Variants in MDGA2 observed in about 807,000 individuals in gnomAD.
MDGA2 encodes MAM domain containing glycosylphosphatidylinositol anchor 2, also known as MAM domain-containing glycosylphosphatidylinositol anchor protein 2.
MDGA2 carries 40 observed loss-of-function variants against 117.8 expected under a neutral mutation model. The observed-to-expected ratio is 0.34, with a 90% confidence interval of 0.26 to 0.44. MDGA2 has a LOEUF of 0.44. Ranked by LOEUF, MDGA2 falls within the 20% of genes least tolerant of loss-of-function variation. The pLI, the probability that MDGA2 is intolerant of heterozygous loss-of-function variation, is 1.00. For missense variants in MDGA2, 1,123 were observed against 1,250.6 expected (o/e 0.90, Z 1.54); for synonymous variants, 452 against 439.0 (o/e 1.03, Z -0.37).
chr14:47,323,177 T>TTACC (rs1890037308), intron 1 of MDGA2, among the ~76,000 whole-genome samples: 2 of 129,414 alleles, frequency 1.5e-5, no homozygotes, highest in African/African-American at 6.1e-5. Flanking sequence ...TATATATATA[T>TTACC]ATATATATAT....
At position 47,436,274 on chromosome 14, in the gene MDGA2, A is replaced by C. The variant is rs182695046; in HGVS notation, c.281-134724T>G. 5.4e-3 allele frequency among the ~76,000 whole-genome samples: 823 copies of C among 152,288 alleles called. 5 individuals are homozygous for C. The highest frequency in any genetic ancestry group is 7.6e-3 in the Non-Finnish European group (520 of 68,018). On this transcript the variant is annotated intron_variant, in intron 1 of 16. Transcript: ENST00000399232. ...ATGGCTAAAGTTTATATAATAGTTC[A>C]GGTGTAGCAAGTGTATTCTAGTGTA...
At position 47,236,717 on chromosome 14, in the gene MDGA2, A is replaced by G. The variant is rs115009521; in HGVS notation, c.421-18522T>C. 2.4e-3 allele frequency among the ~76,000 whole-genome samples: 360 copies of G among 152,344 alleles called. 2 individuals are homozygous for G. The highest frequency in any genetic ancestry group is 8.3e-3 in the African/African-American group (347 of 41,586). On this transcript the variant is annotated intron_variant, in intron 2 of 16. Transcript: ENST00000399232. ...CTGTGTCTTTATACATTAGCAAAGTATTAAAATACCCAATAATCAACTAGT... is the reference window on the plus strand; with the variant it reads ...CTGTGTCTTTATACATTAGCAAAGTGTTAAAATACCCAATAATCAACTAGT...
chr14:47,620,342 G>A (rs556454749), intron 1 of MDGA2, among the ~76,000 whole-genome samples: 1 of 152,356 alleles, frequency 6.6e-6, no homozygotes, highest in African/African-American at 2.4e-5. Flanking sequence ...GGACACCACT[G>A]TGATATTGTT....
intron 5 of MDGA2, among the ~76,000 whole-genome samples, chr14:47,107,081 T>G (rs992694708): frequency 2.3e-5 from 3 of 133,046 alleles, no homozygotes; most frequent in Admixed American, 7.6e-5. Context: ...AACCCACAAG[T>G]ATAAGACACC....
chr14:47,541,449 T>C (rs1046045878), intron 1 of MDGA2, among the ~76,000 whole-genome samples: 4 of 152,350 alleles, frequency 2.6e-5, no homozygotes, highest in African/African-American at 9.6e-5. Context: ...GTTTGGTTTC[T>C]AAATTTACCC....
chr14:46,918,260 C>T (rs899873815), intron 10 of MDGA2, among the ~76,000 whole-genome samples: 4 of 149,680 alleles, frequency 2.7e-5, no homozygotes, highest in African/African-American at 1.0e-4. Flanking sequence ...TAGATTCTTA[C>T]ATTTTTACAA....
intron 7 of MDGA2, among the ~76,000 whole-genome samples, chr14:47,042,327 T>TGTG (rs1421174885): frequency 3.5e-5 from 5 of 144,666 alleles, no homozygotes; most frequent in African/African-American, 1.3e-4. Context: ...TTTTTTTTTT[T>TGTG]TGTGTGTGTG....
intron 8 of MDGA2, among the ~76,000 whole-genome samples, chr14:46,975,246 G>A (rs1886412087): frequency 6.6e-6 from 1 of 152,116 alleles, no homozygotes; most frequent in Non-Finnish European, 1.5e-5. Context: ...CACTGTTGGA[G>A]GGAATGCAAA....
chr14:47,134,767 C>T (rs751669926), intron 4 of MDGA2, among the ~76,000 whole-genome samples: 25 of 147,850 alleles, frequency 1.7e-4, no homozygotes, highest in Non-Finnish European at 2.7e-4. Context: ...TATATATACA[C>T]ACACACACAC....
chr14:47,648,415 C>T (rs1897576283), intron 1 of MDGA2, among the ~76,000 whole-genome samples: 1 of 152,042 alleles, frequency 6.6e-6, no homozygotes, highest in African/African-American at 2.4e-5. Flanking sequence ...CAGTATATGC[C>T]ATTTGAAGAC....
At chr14:47,581,952 C>T (rs1180228629) in intron 1 of MDGA2, among the ~76,000 whole-genome samples, 2 of 151,860 alleles carry the variant, frequency 1.3e-5, no homozygotes, top group Non-Finnish European at 2.9e-5. Context: ...GTTAAGCATG[C>T]AAGTTCTGAA....
At chr14:47,122,336 T>G (rs144911362) in intron 5 of MDGA2, among the ~76,000 whole-genome samples, 346 of 152,142 alleles carry the variant, frequency 2.3e-3, no homozygotes, top group South Asian at 0.011. Context: ...ACATTAATAA[T>G]TGACATTAAG....
rs142765985 is a variant in MDGA2 at position 47,027,732 on chromosome 14, T to C, written c.1819+7279A>G. 9.4e-3 allele frequency among the ~76,000 whole-genome samples: 1,431 copies of C among 151,772 alleles called. 21 individuals are homozygous for C. Among genetic ancestry groups the C allele is most frequent in the African/African-American group, 0.032 (1,315 of 41,454 alleles). On this transcript the variant is annotated intron_variant, in intron 8 of 16. Transcript: ENST00000399232. ...GATGGTTATTTGCCCCTTAGTTATATATCATGCTGTGTTCTCTGGAAGAAT... is the reference window on the plus strand; with the variant it reads ...GATGGTTATTTGCCCCTTAGTTATACATCATGCTGTGTTCTCTGGAAGAAT...
chr14:47,266,219 CATTT>C, intron 2 of MDGA2, among the ~76,000 whole-genome samples: 1 of 152,284 alleles, frequency 6.6e-6, no homozygotes. Context: ...TATTCCAGAA[CATTT>C]ATTATCATAT....
intron 3 of MDGA2, among the ~76,000 whole-genome samples, chr14:47,197,653 G>T (rs1300634193): frequency 6.6e-6 from 1 of 152,310 alleles, no homozygotes; most frequent in East Asian, 1.9e-4. Flanking sequence ...GTTTACGCCT[G>T]TAATCTCAGC....
chr14:47,377,509 C>T (rs552635060), intron 1 of MDGA2, among the ~76,000 whole-genome samples: 2 of 152,244 alleles, frequency 1.3e-5, no homozygotes, highest in South Asian at 4.1e-4. Context: ...GGGACACTCC[C>T]ACCCTAATAC....
intron 6 of MDGA2, among the ~76,000 whole-genome samples, chr14:47,093,730 C>T (rs1879803044): frequency 6.6e-6 from 1 of 152,118 alleles, no homozygotes; most frequent in Admixed American, 6.6e-5. Context: ...ACTTTACACT[C>T]TTCTCTATTT....
chr14:47,076,576 G>GTT (rs1041173033), intron 6 of MDGA2, among the ~76,000 whole-genome samples: 26 of 151,766 alleles, frequency 1.7e-4, no homozygotes, highest in African/African-American at 6.3e-4. Flanking sequence ...GTGTGTGTGT[G>GTT]TGTGTGTGTG....
intron 2 of MDGA2, among the ~76,000 whole-genome samples, chr14:47,257,432 A>T (rs1350503819): frequency 6.6e-6 from 1 of 152,068 alleles, no homozygotes; most frequent in Non-Finnish European, 1.5e-5. Context: ...TAAACATTTA[A>T]TTGGATCTTA....
Sources: allele counts gnomAD v4.1 joint callset (sites outside exome capture counted in the v4.1 genomes callset), GRCh38; gene constraint gnomAD v4.1.1; transcripts MANE v1.5; gene names NCBI Gene and HGNC (gene_info 2026-07-23, HGNC 2026-07-21).